IMMP2L: variants seen among roughly 807,000 people sequenced by gnomAD.
The protein encoded by IMMP2L is inner mitochondrial membrane peptidase subunit 2.
IMMP2L carries 18 observed loss-of-function variants against 19.3 expected under a neutral mutation model. The ratio of observed to expected loss-of-function variants is 0.93; its 90% CI spans 0.64 to 1.38. The LOEUF is 1.38. IMMP2L is among the 40% of genes most tolerant of loss of function. The probability of loss-of-function intolerance (pLI) is 0.00; values close to 1 mark genes in which losing one functional copy is unlikely to be tolerated. For missense variants in IMMP2L, 233 were observed against 218.2 expected (o/e 1.07, Z -0.43); for synonymous variants, 76 against 73.0 (o/e 1.04, Z -0.21).
chr7:111,018,185 T>A (rs1013375227), intron 3 of IMMP2L, among the ~76,000 whole-genome samples: 2 of 152,202 alleles, frequency 1.3e-5, no homozygotes, highest in African/African-American at 4.8e-5. Flanking sequence ...ACATATATTG[T>A]TCTGAAAGGT....
At chr7:111,010,790 G>A (rs950196942) in intron 3 of IMMP2L, among the ~76,000 whole-genome samples, 1 of 152,082 alleles carries the variant, frequency 6.6e-6, no homozygotes, top group Non-Finnish European at 1.5e-5. Context: ...TGAGCATAAA[G>A]GAAGCACAGA....
intron 5 of IMMP2L, among the ~76,000 whole-genome samples, chr7:110,846,368 T>C (rs1563020642): frequency 1.4e-5 from 2 of 140,694 alleles, no homozygotes; most frequent in Non-Finnish European, 3.1e-5. Flanking sequence ...TTTTTTTTTT[T>C]GTTGTTGTTG....
At position 110,800,362 on chromosome 7, in the gene IMMP2L, T is replaced by C; in HGVS notation, c.408+86231A>G. On this transcript the variant is annotated intron_variant, in intron 5 of 5. Coordinates refer to ENST00000405709, the MANE Select transcript of IMMP2L (RefSeq NM_032549.4). ...TGAATGGCATGTCCATCTCATTTAA[T>C]GATGTATGTCTTCTGTTATAAGCTA... Among the ~76,000 whole-genome samples, 2 of 152,084 alleles carry C rather than the reference T, an allele frequency of 1.3e-5. 1 individual carries two copies. The highest frequency in any genetic ancestry group is 2.9e-5 in the Non-Finnish European group (2 of 67,992).
chr7:110,740,335 A>G (rs535772984), intron 5 of IMMP2L, among the ~76,000 whole-genome samples: 2 of 152,336 alleles, frequency 1.3e-5, no homozygotes, highest in Admixed American at 1.3e-4. Context: ...AGCGAGATTA[A>G]CCAAGAAGAC....
intron 3 of IMMP2L, among the ~76,000 whole-genome samples, chr7:111,122,095 A>T: frequency 7.5e-6 from 1 of 132,844 alleles, no homozygotes; most frequent in South Asian, 2.8e-4. Context: ...GGGGGGAGGG[A>T]TAGCATTAGG....
At chr7:111,023,946 G>A (rs1360375373) in intron 3 of IMMP2L, among the ~76,000 whole-genome samples, 1 of 152,162 alleles carries the variant, frequency 6.6e-6, no homozygotes, top group Non-Finnish European at 1.5e-5. Flanking sequence ...GAATAGTCCA[G>A]TATATATTCA....
chr7:111,124,621 G>T, intron 3 of IMMP2L: 1 of 1,613,922 alleles, frequency 6.2e-7, no homozygotes, highest in South Asian at 1.1e-5. Flanking sequence ...TTTGCACCCT[G>T]ATCAAAAAGA....
intron 5 of IMMP2L, among the ~76,000 whole-genome samples, chr7:110,739,036 A>C (rs1796825629): frequency 6.6e-6 from 1 of 152,226 alleles, no homozygotes. Context: ...CTACCAAGCC[A>C]GCACTACAAG....
intron 5 of IMMP2L, among the ~76,000 whole-genome samples, chr7:110,671,123 T>C (rs1330803896): frequency 6.6e-6 from 1 of 152,240 alleles, no homozygotes; most frequent in African/African-American, 2.4e-5. Context: ...TAAGTTCACC[T>C]ATGTGTCTTA....
At chr7:111,066,961 C>G (rs1794562344) in intron 3 of IMMP2L, among the ~76,000 whole-genome samples, 1 of 152,040 alleles carries the variant, frequency 6.6e-6, no homozygotes, top group African/African-American at 2.4e-5. Context: ...AACTGTGAAC[C>G]CCAAGACCTA....
intron 3 of IMMP2L, among the ~76,000 whole-genome samples, chr7:110,969,632 C>T (rs1768042551): frequency 6.6e-6 from 1 of 152,066 alleles, no homozygotes; most frequent in Admixed American, 6.6e-5. Context: ...AAGGAAACCT[C>T]AGGCAGGGGC....
chr7:111,545,666 T>C (rs1422465438), intron 1 of IMMP2L, among the ~76,000 whole-genome samples: 1 of 152,164 alleles, frequency 6.6e-6, no homozygotes, highest in Non-Finnish European at 1.5e-5. Flanking sequence ...CTGTGGATAG[T>C]AACCCCTTAT....
intron 4 of IMMP2L, among the ~76,000 whole-genome samples, chr7:110,895,175 T>G (rs1274035034): frequency 1.3e-5 from 2 of 152,128 alleles, no homozygotes; most frequent in African/African-American, 4.8e-5. Context: ...AACTCCCACT[T>G]TTTAAAACCA....
At chr7:110,966,932 T>C (rs991423536) in intron 3 of IMMP2L, among the ~76,000 whole-genome samples, 1 of 152,122 alleles carries the variant, frequency 6.6e-6, no homozygotes, top group African/African-American at 2.4e-5. Flanking sequence ...GATTATGTTT[T>C]ACTTGAGGAA....
chr7:110,809,091 G>A (rs971780950), intron 5 of IMMP2L, among the ~76,000 whole-genome samples: 5 of 151,884 alleles, frequency 3.3e-5, no homozygotes, highest in South Asian at 4.2e-4. Context: ...CTCAATTACC[G>A]TTTCAACTTC....
At chr7:110,893,015 G>A (rs1209937925) in intron 4 of IMMP2L, among the ~76,000 whole-genome samples, 2 of 151,968 alleles carry the variant, frequency 1.3e-5, no homozygotes, top group East Asian at 1.9e-4. Context: ...ACAGGCATAC[G>A]TTCAATATAT....
chr7:111,109,775 G>A (rs1239846546), intron 3 of IMMP2L, among the ~76,000 whole-genome samples: 6 of 152,034 alleles, frequency 3.9e-5, no homozygotes, highest in South Asian at 2.1e-4. Context: ...GACTACTATC[G>A]CTGTTTTCAT....
At chr7:110,702,442 T>A (rs544072635) in intron 5 of IMMP2L, among the ~76,000 whole-genome samples, 1 of 152,288 alleles carries the variant, frequency 6.6e-6, no homozygotes, top group African/African-American at 2.4e-5. Flanking sequence ...ATGGCTAACA[T>A]TAACCATGAA....
At chr7:111,235,726 T>C (rs1378230956) in intron 3 of IMMP2L, among the ~76,000 whole-genome samples, 1 of 152,034 alleles carries the variant, frequency 6.6e-6, no homozygotes, top group Non-Finnish European at 1.5e-5. Flanking sequence ...AGTTTATAGT[T>C]TTTATCAATT....
Sources: allele counts gnomAD v4.1 joint callset (sites outside exome capture counted in the v4.1 genomes callset), GRCh38; gene constraint gnomAD v4.1.1; transcripts MANE v1.5; gene names NCBI Gene and HGNC (gene_info 2026-07-23, HGNC 2026-07-21).